SOX21: variants seen among roughly 807,000 people sequenced by gnomAD.
SOX21 encodes SRY-box transcription factor 21.
For missense variants in SOX21, 370 were observed against 388.8 expected, an observed-to-expected ratio of 0.95 and a Z score of 0.41; for synonymous variants, 237 against 189.7, an observed-to-expected ratio of 1.25 and a Z score of -2.05.
Position 94,712,502 on chromosome 13 carries a change from G to A in SOX21, c.-453C>T. ...GTTGAGCCGAGGAGCCCGCCGCCGC[G>A]TGCTGCCAAGTGCCAAAGGGGGCTC... On this transcript the variant is annotated 5_prime_UTR_variant, in exon 1 of 1. The change creates a new upstream start codon in the 5' untranslated region. Transcript: ENST00000376945. This position sits in a 1 kb window ranked among gnomAD's most constrained non-coding sequence, Gnocchi z 5.0. 1.0e-6 allele frequency: 1 copy of A among 987,898 alleles called. No homozygotes were observed. The highest frequency in any genetic ancestry group is 1.2e-6 in the Non-Finnish European group (1 of 832,102). 61.2% of individuals were successfully genotyped at this position (987,898 alleles called of 1,614,324 possible). A position where few individuals can be genotyped will look rare whatever the true frequency, so the allele number is the denominator to read the frequency against.
rs1875290959 is a variant in SOX21 at position 94,712,378 on chromosome 13, C to T, written c.-329G>A. On this transcript the variant is annotated 5_prime_UTR_variant, in exon 1 of 1. Transcript: ENST00000376945. The surrounding 1 kb of genome is among the most constrained non-coding windows in gnomAD (Gnocchi z 5.0). ...GCAGTGGCGTTTGCTGGTGAGCTCC[C>T]CGCAGGTAGCGGCGGCCGGGCAGAG... is the stretch of plus-strand genomic sequence containing the variant. 1 of 1,039,524 alleles carries T rather than the reference C, an allele frequency of 9.6e-7. No individual in the cohort carries two copies. Among genetic ancestry groups the T allele is most frequent in the Non-Finnish European group, 1.2e-6 (1 of 867,044 alleles). The allele number at this position is 1,039,524 out of a possible 1,614,324, so 64.4% of individuals were successfully genotyped here.
chr13:94,712,323 T>G lies in SOX21; in HGVS notation c.-274A>C. On this transcript the variant is annotated 5_prime_UTR_variant, in exon 1 of 1. Transcript: ENST00000376945. The surrounding 1 kb of genome is among the most constrained non-coding windows in gnomAD (Gnocchi z 5.0). ...GTGCCCCCTCCCCGCGGCGGCAGTT[T>G]GCCCTTTACGTTCTTTGGGTCCTTC... is the stretch of plus-strand genomic sequence containing the variant. 2.7e-6 allele frequency: 3 copies of G among 1,128,902 alleles called. No individual in the cohort carries two copies. Among genetic ancestry groups the G allele is most frequent in the East Asian group, 5.1e-5 (1 of 19,788 alleles). 69.9% of individuals were successfully genotyped at this position (1,128,902 alleles called of 1,614,324 possible). A position where few individuals can be genotyped will look rare whatever the true frequency, so the allele number is the denominator to read the frequency against.
chr13:94,711,969 G>C lies in SOX21; in HGVS notation c.81C>G (p.Ala27=), dbSNP rs1226050055. 6.2e-7 allele frequency: 1 copy of C among 1,613,886 alleles called. No homozygotes were observed. The highest frequency in any genetic ancestry group is 8.5e-7 in the Non-Finnish European group (1 of 1,179,958). The change falls in exon 1 of 1, where the codon GCC becomes GCG. Residue 27 remains alanine, a synonymous_variant. Transcript: ENST00000376945. ...VWSRAQRRKM[A]QENPKMHNSE... The stretch of plus-strand genomic sequence containing the variant: ...AGTTGTGCATCTTGGGGTTCTCCTG[G>C]GCCATCTTGCGCCGCTGAGCCCGCG...
chr13:94,712,472 T>G lies in SOX21; in HGVS notation c.-423A>C, dbSNP rs1402294534. 2 of 987,200 alleles carry G rather than the reference T, an allele frequency of 2.0e-6. No homozygotes were observed. The highest frequency in any genetic ancestry group is 2.4e-6 in the Non-Finnish European group (2 of 832,100). 61.2% of individuals were successfully genotyped at this position (987,200 alleles called of 1,614,324 possible). A position where few individuals can be genotyped will look rare whatever the true frequency, so the allele number is the denominator to read the frequency against. ...CCAAAAGTTGCGTCGCGGAGACTCC[T>G]CGAAGTTGAGCCGAGGAGCCCGCCG... On this transcript the variant is annotated 5_prime_UTR_variant, in exon 1 of 1. Coordinates refer to ENST00000376945, the MANE Select transcript of SOX21 (RefSeq NM_007084.4). The surrounding 1 kb of genome is among the most constrained non-coding windows in gnomAD (Gnocchi z 5.0).
rs1875219613 is a variant in SOX21 at position 94,711,064 on chromosome 13, G to C, written c.*155C>G. 4.0e-6 allele frequency: 3 copies of C among 751,140 alleles called. No individual in the cohort carries two copies. In the South Asian group the frequency reaches 2.1e-4, roughly 52 times the overall value. 46.5% of individuals were successfully genotyped at this position (751,140 alleles called of 1,614,324 possible). The stretch of plus-strand genomic sequence containing the variant: ...TTGCGCGCTTGGCCACTCCTGCCCC[G>C]CCTGGCCTCTCTGCCTCTACCTGGC... On this transcript the variant is annotated 3_prime_UTR_variant, in exon 1 of 1. Transcript: ENST00000376945.
chr13:94,711,627 G>GGCGGAC lies in SOX21; in HGVS notation c.422_423insGTCCGC (p.Ala141_Ala142insSerAla), dbSNP rs1555348664. ...AGAAGACGCGTGCGGCGGCAGCGGCGGCGGCCGCGGCCGCCTTCTCGGGAT... is the reference window on the plus strand; with the variant it reads ...AGAAGACGCGTGCGGCGGCAGCGGCGGCGGACGCGGCCGCGGCCGCCTTCTCGGGAT... On this transcript the variant is annotated inframe_insertion, in exon 1 of 1. Transcript: ENST00000376945. 1.3e-5 allele frequency: 16 copies of GGCGGAC among 1,239,860 alleles called. No individual in the cohort carries two copies. The highest frequency in any genetic ancestry group is 1.6e-5 in the Non-Finnish European group (16 of 990,946). The allele number at this position is 1,239,860 out of a possible 1,614,324, so 76.8% of individuals were successfully genotyped here.
Position 94,711,526 on chromosome 13 carries a change from A to G in SOX21, c.524T>C (p.Leu175Pro). 9.2e-7 allele frequency: 1 copy of G among 1,086,414 alleles called. No homozygotes were observed. Among genetic ancestry groups the G allele is most frequent in the Non-Finnish European group, 1.1e-6 (1 of 888,860 alleles). 67.3% of individuals were successfully genotyped at this position (1,086,414 alleles called of 1,614,324 possible). ...AAGSPYSLLD[L>P]GSKMAEISSS... The stretch of plus-strand genomic sequence containing the variant: ...CGAGATCTCTGCCATTTTGGAGCCC[A>G]GGTCGAGCAGCGAGTAGGGGCTGCC... Residue 175 changes from leucine to proline, a missense_variant, in exon 1 of 1, where the codon CTG becomes CCG. Coordinates refer to ENST00000376945, the MANE Select transcript of SOX21 (RefSeq NM_007084.4).
In SOX21 at chr13:94,711,623, CGGCGGCG is replaced by C; in HGVS notation, c.420_426del (p.Ala141LeufsTer93). The C allele has an allele frequency of 2.4e-6, 3 of 1,232,658 alleles. No individual in the cohort carries two copies. Among genetic ancestry groups the C allele is most frequent in the Non-Finnish European group, 3.0e-6 (3 of 986,366 alleles). The allele number at this position is 1,232,658 out of a possible 1,614,324, so 76.4% of individuals were successfully genotyped here. On this transcript the variant is annotated frameshift_variant, in exon 1 of 1. Transcript: ENST00000376945. LOFTEE classifies it low-confidence loss of function (END_TRUNC). ...GGGAAGAAGACGCGTGCGGCGGCAGCGGCGGCGGCCGCGGCCGCCTTCTCGGGATTGG... is the reference window on the plus strand; with the variant it reads ...GGGAAGAAGACGCGTGCGGCGGCAGCGCCGCGGCCGCCTTCTCGGGATTGG...
At position 94,711,851 on chromosome 13, in the gene SOX21, T is replaced by C. The variant is rs1225886933; in HGVS notation, c.199A>G (p.Met67Val). 1.9e-6 allele frequency: 3 copies of C among 1,613,922 alleles called. No homozygotes were observed. The highest frequency in any genetic ancestry group is 1.6e-4 in the Middle Eastern group (1 of 6,062). ...FIDEAKRLRA[M>V]HMKEHPDYKY... Reference sequence around the variant, plus strand: ...TAGTCGGGGTGCTCCTTCATGTGCATGGCGCGTAGACGCTTGGCCTCGTCG... The same window carrying C: ...TAGTCGGGGTGCTCCTTCATGTGCACGGCGCGTAGACGCTTGGCCTCGTCG... Residue 67 changes from methionine (M) to valine (V), a missense_variant, in exon 1 of 1, where the codon ATG (methionine) becomes GTG (valine). Coordinates refer to ENST00000376945, the MANE Select transcript of SOX21 (RefSeq NM_007084.4).
Position 94,710,578 on chromosome 13 carries a change from T to TG in SOX21, c.*640_*641insC, listed in dbSNP as rs767225567. On this transcript the variant is annotated 3_prime_UTR_variant, in exon 1 of 1. Transcript: ENST00000376945. ...ACACAAAAGGCCAGATTCGAGCCGG[T>TG]CACTGGTCAAGAATGGATCTGGTTG... 2 of 152,176 alleles carry TG rather than the reference T, an allele frequency of 1.3e-5. No homozygotes were observed. Among genetic ancestry groups the TG allele is most frequent in the Non-Finnish European group, 2.9e-5 (2 of 68,046 alleles). The allele number at this position is 152,176 out of a possible 1,614,324, so 9.4% of individuals were successfully genotyped here.
At position 94,711,501 on chromosome 13, in the gene SOX21, C is replaced by T. The variant is rs1875246711; in HGVS notation, c.549G>A (p.Ser183=). Residue 183 remains serine, a synonymous_variant, in exon 1 of 1, where the codon TCG becomes TCA. Transcript: ENST00000376945. ...CGTACGGGAGGCCGGACGAGGACGA[C>T]GAGATCTCTGCCATTTTGGAGCCCA... ...LDLGSKMAEI[S]SSSSGLPYAS... is the part of the protein sequence containing the mutation. 3 of 1,034,160 alleles carry T rather than the reference C, an allele frequency of 2.9e-6. No homozygotes were observed. The highest frequency in any genetic ancestry group is 4.1e-5 in the South Asian group (1 of 24,506). 64.1% of individuals were successfully genotyped at this position (1,034,160 alleles called of 1,614,324 possible).
chr13:94,712,191 A>AG lies in SOX21; in HGVS notation c.-143dup. ...CCCGGCGTCGCTCCCGCCCCGGAGG[A>AG]GGGGGCTGGGGGACCAGCCCAGGGC... On this transcript the variant is annotated 5_prime_UTR_variant, in exon 1 of 1. Coordinates refer to ENST00000376945, the MANE Select transcript of SOX21 (RefSeq NM_007084.4). This position sits in a 1 kb window ranked among gnomAD's most constrained non-coding sequence, Gnocchi z 5.0. The AG allele has an allele frequency of 7.3e-7, 1 of 1,364,162 alleles. No individual in the cohort carries two copies. The highest frequency in any genetic ancestry group is 9.4e-7 in the Non-Finnish European group (1 of 1,061,772). 84.5% of individuals were successfully genotyped at this position (1,364,162 alleles called of 1,614,324 possible). A position where few individuals can be genotyped will look rare whatever the true frequency, so the allele number is the denominator to read the frequency against.
Position 94,710,239 on chromosome 13 carries a change from C to T in SOX21, c.*980G>A, listed in dbSNP as rs1484732243. On this transcript the variant is annotated 3_prime_UTR_variant, in exon 1 of 1. Transcript: ENST00000376945. Reference sequence around the variant, plus strand: ...GTCTAAAGTCGACTCAAACTTAGGGCAACGAAAATAACACATTTTCCAAGC... The same window carrying T: ...GTCTAAAGTCGACTCAAACTTAGGGTAACGAAAATAACACATTTTCCAAGC... 1 of 152,560 alleles carries T rather than the reference C, an allele frequency of 6.6e-6. No individual in the cohort carries two copies. The highest frequency in any genetic ancestry group is 1.5e-5 in the Non-Finnish European group (1 of 68,032). The allele number at this position is 152,560 out of a possible 1,614,324, so 9.5% of individuals were successfully genotyped here.
Position 94,709,901 on chromosome 13 carries a change from T to C in SOX21, c.*1318A>G, listed in dbSNP as rs969750203. The C allele has an allele frequency of 3.3e-5, 5 of 152,226 alleles. No individual in the cohort carries two copies. The highest frequency in any genetic ancestry group is 7.2e-5 in the African/African-American group (3 of 41,462). The allele number at this position is 152,226 out of a possible 1,614,324, so 9.4% of individuals were successfully genotyped here. A position where few individuals can be genotyped will look rare whatever the true frequency, so the allele number is the denominator to read the frequency against. ...ATTTAAAAAGAAACAAAGCTAATAA[T>C]TGAAGGTTCCTTTTTTCTAAAATGT... is the stretch of plus-strand genomic sequence containing the variant. On this transcript the variant is annotated 3_prime_UTR_variant, in exon 1 of 1. Transcript: ENST00000376945.
Position 94,711,635 on chromosome 13 carries a change from C to T in SOX21, c.415G>A (p.Ala139Thr), listed in dbSNP as rs1875256744. 3.2e-6 allele frequency: 4 copies of T among 1,260,982 alleles called. No homozygotes were observed. Among genetic ancestry groups the T allele is most frequent in the Admixed American group, 4.2e-5 (1 of 23,540 alleles). 78.1% of individuals were successfully genotyped at this position (1,260,982 alleles called of 1,614,324 possible). Reference protein sequence around the residue: ...SLLANPEKAAAAAAAAAARVF... With the variant: ...SLLANPEKAATAAAAAAARVF... ...CGTGCGGCGGCAGCGGCGGCGGCCG[C>T]GGCCGCCTTCTCGGGATTGGCGAGC... Residue 139 changes from alanine to threonine, a missense_variant, in exon 1 of 1, where the codon GCG (alanine) becomes ACG (threonine). Ala to Thr is a moderately conservative substitution (Grantham distance 58). Transcript: ENST00000376945.
rs1223627616 is a variant in SOX21, at chr13:94,710,259, C to T, written c.*960G>A. ...TAGGGCAACGAAAATAACACATTTT[C>T]CAAGCCTCAATGTTTTCACTGACAT... On this transcript the variant is annotated 3_prime_UTR_variant, in exon 1 of 1. Transcript: ENST00000376945. The T allele has an allele frequency of 6.6e-6, 1 of 152,604 alleles. No individual in the cohort carries two copies. Among genetic ancestry groups the T allele is most frequent in the South Asian group, 2.1e-4 (1 of 4,820 alleles). The allele number at this position is 152,604 out of a possible 1,614,324, so 9.5% of individuals were successfully genotyped here.
At position 94,712,126 on chromosome 13, in the gene SOX21, G is replaced by T. The variant is rs1050862515; in HGVS notation, c.-77C>A. 1 of 1,511,594 alleles carries T rather than the reference G, an allele frequency of 6.6e-7. No homozygotes were observed. The allele number at this position is 1,511,594 out of a possible 1,614,324, so 93.6% of individuals were successfully genotyped here. A position where few individuals can be genotyped will look rare whatever the true frequency, so the allele number is the denominator to read the frequency against. On this transcript the variant is annotated 5_prime_UTR_variant, in exon 1 of 1. Transcript: ENST00000376945. The surrounding 1 kb of genome is among the most constrained non-coding windows in gnomAD (Gnocchi z 5.0). ...GGCCCGGAGGAAATCAATGTTGGCT[G>T]CCCGCGGAGACCCGCTCGGCCGGCC...
In SOX21 at chr13:94,712,243, G is replaced by A. The variant is rs1307735792; in HGVS notation, c.-194C>T. 3 of 1,233,886 alleles carry A rather than the reference G, an allele frequency of 2.4e-6. No homozygotes were observed. The highest frequency in any genetic ancestry group is 3.0e-6 in the Non-Finnish European group (3 of 992,120). The allele number at this position is 1,233,886 out of a possible 1,614,324, so 76.4% of individuals were successfully genotyped here. ...ACGCCGCGCCCCGGGCCGCCTTAGT[G>A]TCTCCGGCCGAGCGCTCGAGCAGGT... On this transcript the variant is annotated 5_prime_UTR_variant, in exon 1 of 1. Coordinates refer to ENST00000376945, the MANE Select transcript of SOX21 (RefSeq NM_007084.4). This position sits in a 1 kb window ranked among gnomAD's most constrained non-coding sequence, Gnocchi z 5.0.
chr13:94,711,246 G>T lies in SOX21; in HGVS notation c.804C>A (p.Tyr268Ter). Residue 268 changes from tyrosine (Y) to a stop codon, truncating the protein, a stop_gained, in exon 1 of 1, where the codon TAC (tyrosine) becomes TAA (stop). Transcript: ENST00000376945. LOFTEE classifies it high-confidence loss of function. Reference protein sequence around the residue: ...PGMGKPQLDPYPAAYAAAL With the variant: ...PGMGKPQLDP Reference sequence around the variant, plus strand: ...ATAGCGCGGCAGCGTAGGCCGCGGGGTAGGGGTCCAGCTGGGGCTTGCCCA... The same window carrying T: ...ATAGCGCGGCAGCGTAGGCCGCGGGTTAGGGGTCCAGCTGGGGCTTGCCCA... The T allele has an allele frequency of 1.5e-6, 2 of 1,370,762 alleles. No homozygotes were observed. The highest frequency in any genetic ancestry group is 3.0e-5 in the East Asian group (1 of 33,394). 84.9% of individuals were successfully genotyped at this position (1,370,762 alleles called of 1,614,324 possible).
Sources: allele counts gnomAD v4.1 joint callset, GRCh38; gene constraint gnomAD v4.1.1; non-coding constraint Gnocchi (gnomAD v3.1); transcripts MANE v1.5; gene names NCBI Gene and HGNC (gene_info 2026-07-23, HGNC 2026-07-21).